Variants in HTRA1 observed in about 807,000 individuals in gnomAD.
HTRA1 encodes serine protease HTRA1.
Under a neutral mutation model 49.7 loss-of-function variants are expected in HTRA1, and 26 were observed. The ratio of observed to expected loss-of-function variants is 0.52; its 90% CI spans 0.38 to 0.73. The LOEUF (loss-of-function observed/expected upper bound fraction) is 0.73, where lower values mean the gene tolerates loss of function less well. HTRA1 is among the 30% of genes least tolerant of loss of function. The pLI is 0.00. For synonymous variants in HTRA1, 291 were observed against 286.9 expected, an observed-to-expected ratio of 1.01 and a Z score of -0.14; for missense variants, 561 against 667.2, an observed-to-expected ratio of 0.84 and a Z score of 1.75.
intron 3 of HTRA1, among the ~76,000 whole-genome samples, chr10:122,492,037 A>G (rs1209077068): frequency 6.6e-6 from 1 of 152,114 alleles, no homozygotes; most frequent in Non-Finnish European, 1.5e-5. Context: ...GCTTTGTGTC[A>G]TCTTAGGGAT....
intron 1 of HTRA1, among the ~76,000 whole-genome samples, chr10:122,465,579 C>A (rs2097483441): frequency 6.6e-6 from 1 of 152,158 alleles, no homozygotes; most frequent in Admixed American, 6.5e-5. Context: ...CCCAGCTAAG[C>A]CCCAGCTAAT....
intron 1 of HTRA1, among the ~76,000 whole-genome samples, chr10:122,486,700 G>C (rs977267234): frequency 6.6e-6 from 1 of 152,108 alleles, no homozygotes; most frequent in Non-Finnish European, 1.5e-5. Flanking sequence ...TTATAGCCTA[G>C]AGCCTGGGGA....
chr10:122,503,018 G>T (rs1036729865), intron 3 of HTRA1, among the ~76,000 whole-genome samples: 2 of 152,234 alleles, frequency 1.3e-5, no homozygotes, highest in Admixed American at 6.5e-5. Flanking sequence ...CTTACTGTGG[G>T]GCTCCAGGGA....
intron 3 of HTRA1, among the ~76,000 whole-genome samples, chr10:122,505,269 C>T (rs1322014267): frequency 2.0e-5 from 3 of 152,184 alleles, no homozygotes; most frequent in Non-Finnish European, 4.4e-5. Flanking sequence ...TCCTGGTCCT[C>T]TTGGTATCTG....
chr10:122,463,190 A>G (rs1026485158), intron 1 of HTRA1, among the ~76,000 whole-genome samples: 2 of 152,244 alleles, frequency 1.3e-5, no homozygotes, highest in Non-Finnish European at 2.9e-5. Context: ...GGACTGGTCT[A>G]GAGTTTACTT....
intron 1 of HTRA1, among the ~76,000 whole-genome samples, chr10:122,479,249 A>G (rs1402810185): frequency 6.6e-6 from 1 of 152,140 alleles, no homozygotes; most frequent in African/African-American, 2.4e-5. Flanking sequence ...TGTTCCCACA[A>G]TGGTGTGGGC....
At chr10:122,467,053 GGCACCATGA>G (rs1387472934) in intron 1 of HTRA1, among the ~76,000 whole-genome samples, 1 of 152,094 alleles carries the variant, frequency 6.6e-6, no homozygotes, top group Non-Finnish European at 1.5e-5. Flanking sequence ...GATGGTGGCG[GGCACCATGA>G]GCTAACTGTG....
In HTRA1 at chr10:122,494,025, A is replaced by G. The variant is rs2133441196; in HGVS notation, c.777+4399A>G. On this transcript the variant is annotated intron_variant, in intron 3 of 8. Coordinates refer to ENST00000368984, the MANE Select transcript of HTRA1 (RefSeq NM_002775.5). This position sits in a 1 kb window ranked among gnomAD's most constrained non-coding sequence, Gnocchi z 4.0. ...CCTCTGATTAAATTCTGCCTTAGAC[A>G]TCTCTCCCCACCCCGCTGTGTGAGG... is the stretch of plus-strand genomic sequence containing the variant. Among the ~76,000 whole-genome samples the G allele has an allele frequency of 6.6e-6, 1 of 152,038 alleles. No homozygotes were observed. Among genetic ancestry groups the G allele is most frequent in the Non-Finnish European group, 1.5e-5 (1 of 67,992 alleles).
At chr10:122,477,965 C>G (rs990777171) in intron 1 of HTRA1, among the ~76,000 whole-genome samples, 2 of 152,152 alleles carry the variant, frequency 1.3e-5, no homozygotes, top group African/African-American at 4.8e-5. Context: ...GATAAGCTGC[C>G]GCTGACAGAC....
rs763749598 is a variant in HTRA1 at position 122,489,384 on chromosome 10, G to A, written c.573-38G>A. Reference sequence around the variant, plus strand: ...AATGCGTTGAAGCGTTCATTTTAAGGTGCTACAGGCTTAAGTGTGTACTCC... The same window carrying A: ...AATGCGTTGAAGCGTTCATTTTAAGATGCTACAGGCTTAAGTGTGTACTCC... On this transcript the variant is annotated intron_variant, in intron 2 of 8. Transcript: ENST00000368984. The A allele has an allele frequency of 6.3e-6, 10 of 1,577,112 alleles. 1 individual carries two copies. The South Asian group carries it at 1.0e-4, about 16-fold the overall frequency.
Position 122,464,781 on chromosome 10 carries a change from TG to T in HTRA1, c.472+2658del, listed in dbSNP as rs1386684443. Among the ~76,000 whole-genome samples the T allele has an allele frequency of 6.6e-6, 1 of 152,190 alleles. No individual in the cohort carries two copies. Among genetic ancestry groups the T allele is most frequent in the Admixed American group, 6.5e-5 (1 of 15,288 alleles). ...CCACGGGCAGGTCACTTGACGTCAC[TG>T]TTAAATGAGGTGAATTGGCTGCCTG... On this transcript the variant is annotated intron_variant, in intron 1 of 8. Coordinates refer to ENST00000368984, the MANE Select transcript of HTRA1 (RefSeq NM_002775.5). This position sits in a 1 kb window ranked among gnomAD's most constrained non-coding sequence, Gnocchi z 4.8.
intron 3 of HTRA1, among the ~76,000 whole-genome samples, chr10:122,498,329 A>G (rs2097499588): frequency 6.6e-6 from 1 of 152,124 alleles, no homozygotes; most frequent in Non-Finnish European, 1.5e-5. Context: ...TTGGAGAAAC[A>G]TGATGGCAAC....
At chr10:122,491,382 G>A (rs907700745) in intron 3 of HTRA1, among the ~76,000 whole-genome samples, 2 of 152,188 alleles carry the variant, frequency 1.3e-5, no homozygotes, top group Non-Finnish European at 2.9e-5. Context: ...TGCTAGAAAG[G>A]TATCCAGGAT....
intron 1 of HTRA1, among the ~76,000 whole-genome samples, chr10:122,465,962 C>T (rs2097483589): frequency 6.6e-6 from 1 of 152,154 alleles, no homozygotes; most frequent in Non-Finnish European, 1.5e-5. Flanking sequence ...GAAAGCCCAC[C>T]CTACTCCATG....
intron 1 of HTRA1, among the ~76,000 whole-genome samples, chr10:122,482,466 T>C (rs999838225): frequency 6.6e-6 from 1 of 152,082 alleles, no homozygotes; most frequent in Non-Finnish European, 1.5e-5. Context: ...GAAATATCGA[T>C]GAATTTTCTG....
chr10:122,504,506 C>A (rs955719502), intron 3 of HTRA1, among the ~76,000 whole-genome samples: 1 of 152,194 alleles, frequency 6.6e-6, no homozygotes, highest in Non-Finnish European at 1.5e-5. Flanking sequence ...TGACCTCCTG[C>A]CTCCTGTCTA....
At chr10:122,502,581 T>A (rs1304374497) in intron 3 of HTRA1, among the ~76,000 whole-genome samples, 1 of 152,226 alleles carries the variant, frequency 6.6e-6, no homozygotes, top group African/African-American at 2.4e-5. Flanking sequence ...GAGAGACTTC[T>A]GGCTCTGTTA....
chr10:122,487,246 T>A lies in HTRA1; in HGVS notation c.473-1656T>A, dbSNP rs1428215833. 6.6e-6 allele frequency among the ~76,000 whole-genome samples: 1 copy of A among 152,028 alleles called. No individual in the cohort carries two copies. Among genetic ancestry groups the A allele is most frequent in the East Asian group, 1.9e-4 (1 of 5,170 alleles). The stretch of plus-strand genomic sequence containing the variant: ...GCTGAGCTAGTCCAAGGGGGAAGAA[T>A]GGGGTGCATGGCTCTCAGCTGCAGA... On this transcript the variant is annotated intron_variant, in intron 1 of 8. Coordinates refer to ENST00000368984, the MANE Select transcript of HTRA1 (RefSeq NM_002775.5). The surrounding 1 kb of genome is among the most constrained non-coding windows in gnomAD (Gnocchi z 4.8).
Position 122,506,966 on chromosome 10 carries a change from T to C in HTRA1, c.972+81T>C. The C allele has an allele frequency of 7.9e-7, 1 of 1,273,130 alleles. No individual in the cohort carries two copies. Among genetic ancestry groups the C allele is most frequent in the Non-Finnish European group, 1.1e-6 (1 of 890,682 alleles). The allele number at this position is 1,273,130 out of a possible 1,614,324, so 78.9% of individuals were successfully genotyped here. ...AGGAGTCAGCATAGGTCTTAGCCCC[T>C]GACTTTGTTGTAGTCTGCGTGAAGG... On this transcript the variant is annotated intron_variant, in intron 4 of 8. Transcript: ENST00000368984. This position sits in a 1 kb window ranked among gnomAD's most constrained non-coding sequence, Gnocchi z 5.2.
Sources: gnomAD v4.1 joint callset for allele counts (sites outside exome capture counted in the v4.1 genomes callset) on GRCh38, gnomAD v4.1.1 for gene constraint, Gnocchi (gnomAD v3.1) non-coding constraint, MANE v1.5 for transcripts, NCBI Gene and HGNC (gene_info 2026-07-23, HGNC 2026-07-21) for gene names.